The following SRGAP3 variants were observed in gnomAD, a reference collection of about 807,000 sequenced individuals.
SRGAP3 encodes SLIT-ROBO Rho GTPase activating protein 3.
Under a neutral mutation model 121.1 loss-of-function variants are expected in SRGAP3, and 39 were observed. The ratio of observed to expected loss-of-function variants is 0.32; its 90% CI spans 0.25 to 0.42. The LOEUF is 0.42. SRGAP3 is among the 10% of genes least tolerant of loss of function. The pLI, the probability that SRGAP3 is intolerant of heterozygous loss-of-function variation, is 1.00. For synonymous variants in SRGAP3, 601 were observed against 570.0 expected (o/e 1.05, Z -0.77); for missense variants, 1,213 against 1,470.6 (o/e 0.82, Z 2.86).
intron 1 of SRGAP3, among the ~76,000 whole-genome samples, chr3:9,230,673 T>G (rs1477696080): frequency 6.6e-6 from 1 of 152,008 alleles, no homozygotes; most frequent in Non-Finnish European, 1.5e-5. Flanking sequence ...GAGTTTAAGA[T>G]AGCCTGGGCA....
exon 1 of SRGAP3, chr3:9,362,949 G>C (rs1022778909): frequency 2.0e-5 from 3 of 152,304 alleles, no homozygotes; most frequent in Non-Finnish European, 4.4e-5. Flanking sequence ...AAAACCAACA[G>C]CACACAGCTT....
chr3:9,360,380 C>T (rs1346004309), intron 1 of SRGAP3, among the ~76,000 whole-genome samples: 2 of 152,182 alleles, frequency 1.3e-5, no homozygotes, highest in Non-Finnish European at 2.9e-5. Context: ...AACCCATCAG[C>T]CCATTGTAAA....
intron 3 of SRGAP3, among the ~76,000 whole-genome samples, chr3:9,291,326 C>T (rs1261966013): frequency 2.6e-5 from 4 of 152,166 alleles, no homozygotes; most frequent in Admixed American, 2.0e-4. Context: ...CTCATTACAT[C>T]TCAGCAGCCC....
At chr3:9,094,668 T>C (rs1478860228) in intron 3 of SRGAP3, among the ~76,000 whole-genome samples, 2 of 152,172 alleles carry the variant, frequency 1.3e-5, no homozygotes, top group Admixed American at 6.5e-5. Context: ...GGGAGTCAGA[T>C]TGTATCTCAT....
chr3:9,125,098 C>T, intron 1 of SRGAP3, 181 bp from the exon 2 acceptor site: 1 of 697,680 alleles, frequency 1.4e-6, no homozygotes, highest in Non-Finnish European at 2.4e-6. Flanking sequence ...AAAGATTTCT[C>T]TCTTGCTCGT....
chr3:9,254,848 A>C (rs1443777362), intron 3 of SRGAP3, among the ~76,000 whole-genome samples: 3 of 135,866 alleles, frequency 2.2e-5, no homozygotes, highest in Admixed American at 7.4e-5. Context: ...GAAGGGAGGG[A>C]GGGAGGGAAG....
intron 2 of SRGAP3, among the ~76,000 whole-genome samples, chr3:9,110,661 C>T (rs1302202664): frequency 6.6e-6 from 1 of 152,260 alleles, no homozygotes; most frequent in African/African-American, 2.4e-5. Context: ...TCTCTAGGTC[C>T]ATCCCAGCAT....
chr3:9,063,630 TG>T (rs1946284719), intron 5 of SRGAP3, among the ~76,000 whole-genome samples: 1 of 152,186 alleles, frequency 6.6e-6, no homozygotes, highest in Non-Finnish European at 1.5e-5. Flanking sequence ...TGAGCCACTG[TG>T]GCCAGCCCTA....
At chr3:9,116,014 G>T (rs1161405325) in intron 2 of SRGAP3, among the ~76,000 whole-genome samples, 2 of 152,216 alleles carry the variant, frequency 1.3e-5, no homozygotes, top group Non-Finnish European at 2.9e-5. Flanking sequence ...CAGGCTACCA[G>T]AAACCTTGAA....
At chr3:9,294,865 C>A (rs1240279759) in intron 3 of SRGAP3, among the ~76,000 whole-genome samples, 1 of 152,054 alleles carries the variant, frequency 6.6e-6, no homozygotes, top group Non-Finnish European at 1.5e-5. Context: ...CTTCCAAATG[C>A]CAAATGCCAA....
chr3:9,090,386 A>G (rs749572320), intron 3 of SRGAP3, among the ~76,000 whole-genome samples: 11 of 149,090 alleles, frequency 7.4e-5, no homozygotes, highest in Non-Finnish European at 1.6e-4. Flanking sequence ...ATGGTCACCC[A>G]TAACCCTTAT....
chr3:9,339,162 T>C (rs1161689161), intron 1 of SRGAP3, among the ~76,000 whole-genome samples: 1 of 152,214 alleles, frequency 6.6e-6, no homozygotes, highest in Non-Finnish European at 1.5e-5. Flanking sequence ...TCTGAACCGG[T>C]TACTTAACTG....
At chr3:9,015,856 C>G in intron 14 of SRGAP3, 125 bp from the exon 15 acceptor site, 1 of 1,154,302 alleles carries the variant, frequency 8.7e-7, no homozygotes, top group Non-Finnish European at 1.3e-6. Flanking sequence ...AAAGTCTCCC[C>G]CACATATGAG....
At chr3:9,175,036 A>G (rs1951127569) in intron 1 of SRGAP3, among the ~76,000 whole-genome samples, 1 of 152,120 alleles carries the variant, frequency 6.6e-6, no homozygotes, top group Non-Finnish European at 1.5e-5. Flanking sequence ...CCTCATTCCC[A>G]CAGTCCCCCT....
intron 1 of SRGAP3, among the ~76,000 whole-genome samples, chr3:9,354,470 G>A (rs1323957586): frequency 6.6e-6 from 1 of 152,056 alleles, no homozygotes; most frequent in Non-Finnish European, 1.5e-5. Context: ...ACGAGGTTAG[G>A]AGATCGAAAC....
intron 8 of SRGAP3, among the ~76,000 whole-genome samples, chr3:9,055,400 G>A (rs1945772690): frequency 1.3e-5 from 2 of 152,186 alleles, no homozygotes; most frequent in South Asian, 4.1e-4. Context: ...CTTTCTCCAG[G>A]GGCCTCCAGT....
chr3:9,163,774 C>T (rs964146246), intron 1 of SRGAP3, among the ~76,000 whole-genome samples: 3 of 152,070 alleles, frequency 2.0e-5, no homozygotes, highest in Non-Finnish European at 4.4e-5. Context: ...GGGATCCCAC[C>T]GGTGGGAAAC....
At chr3:9,043,839 T>C (rs1335765094) in intron 10 of SRGAP3, among the ~76,000 whole-genome samples, 3 of 152,328 alleles carry the variant, frequency 2.0e-5, no homozygotes, top group African/African-American at 7.2e-5. Flanking sequence ...GGCACACTGT[T>C]CATTCATGCT....
rs1339971308 is a variant in SRGAP3, at chr3:8,981,135, G to A, written c.*4384C>T. On this transcript the variant is annotated 3_prime_UTR_variant, in exon 22 of 22. Coordinates refer to ENST00000383836, the MANE Select transcript of SRGAP3 (RefSeq NM_014850.4). ...ATCTCAGGGAGGTCAGGAGGGCTTG[G>A]ACCTGACAGCAAAGTCCCTTCTCTC... is the stretch of plus-strand genomic sequence containing the variant. 1 of 233,120 alleles carries A rather than the reference G, an allele frequency of 4.3e-6. No individual in the cohort carries two copies. Among genetic ancestry groups the A allele is most frequent in the Non-Finnish European group, 8.5e-6 (1 of 118,064 alleles). 14.4% of individuals were successfully genotyped at this position (233,120 alleles called of 1,614,324 possible).
Sources: gnomAD v4.1 joint callset for allele counts (sites outside exome capture counted in the v4.1 genomes callset) on GRCh38, gnomAD v4.1.1 for gene constraint, MANE v1.5 for transcripts, NCBI Gene and HGNC (gene_info 2026-07-23, HGNC 2026-07-21) for gene names.